CCDC178: variants seen among roughly 807,000 people sequenced by gnomAD.
The protein encoded by CCDC178 is coiled-coil domain containing 178, also known as coiled-coil domain-containing protein 178.
CCDC178 carries 126 observed loss-of-function variants against 117.4 expected under a neutral mutation model. That is an observed-to-expected ratio of 1.07 (90% CI 0.93 to 1.24). The LOEUF (loss-of-function observed/expected upper bound fraction) is 1.24, where lower values mean the gene tolerates loss of function less well. Among genes scored for constraint, CCDC178 ranks in the 50% most tolerant of loss-of-function variants. The pLI is 0.00. For missense variants in CCDC178, 1,030 were observed against 986.9 expected, an observed-to-expected ratio of 1.04 and a Z score of -0.59; for synonymous variants, 283 against 313.4, an observed-to-expected ratio of 0.90 and a Z score of 1.02.
intron 20 of CCDC178, among the ~76,000 whole-genome samples, chr18:33,149,856 AC>A (rs1163837967): frequency 1.3e-5 from 2 of 152,018 alleles, no homozygotes; most frequent in Admixed American, 6.5e-5. Flanking sequence ...AAAAATATAC[AC>A]CCATCATTCT....
chr18:32,992,311 A>C (rs895735528), intron 21 of CCDC178, among the ~76,000 whole-genome samples: 2 of 152,198 alleles, frequency 1.3e-5, no homozygotes, highest in Non-Finnish European at 2.9e-5. Flanking sequence ...AATGGGATAA[A>C]CTTTCTGAAT....
chr18:33,213,691 G>A (rs1027335368), intron 19 of CCDC178, among the ~76,000 whole-genome samples: 2 of 151,970 alleles, frequency 1.3e-5, no homozygotes, highest in African/African-American at 4.8e-5. Context: ...ATAAAATAAT[G>A]TTTCCTTTCT....
At position 33,079,699 on chromosome 18, in the gene CCDC178, G is replaced by A. The variant is rs1189510671; in HGVS notation, c.2388+13062C>T. ...AAAAGCCCAATATCACTGATCATCAGAGAAATGCAAATCAAAACTACAATG... is the reference window on the plus strand; with the variant it reads ...AAAAGCCCAATATCACTGATCATCAAAGAAATGCAAATCAAAACTACAATG... On this transcript the variant is annotated intron_variant, in intron 21 of 22. Coordinates refer to ENST00000383096, the MANE Select transcript of CCDC178 (RefSeq NM_001105528.4). Among the ~76,000 whole-genome samples, 6 of 152,274 alleles carry A rather than the reference G, an allele frequency of 3.9e-5. No individual in the cohort carries two copies. The South Asian group carries it at 1.2e-3, about 32-fold the overall frequency.
At chr18:32,956,967 G>C (rs1889925115) in intron 22 of CCDC178, among the ~76,000 whole-genome samples, 2 of 126,500 alleles carry the variant, frequency 1.6e-5, no homozygotes, top group Admixed American at 8.9e-5. Context: ...TCTAAAGGAA[G>C]GAAGGAAAGC....
chr18:33,049,720 G>A (rs1443268948), intron 21 of CCDC178, among the ~76,000 whole-genome samples: 1 of 152,106 alleles, frequency 6.6e-6, no homozygotes, highest in Non-Finnish European at 1.5e-5. Context: ...AACAGTAACA[G>A]AAAAATCAGA....
At chr18:33,418,087 A>C (rs1164303779) in intron 2 of CCDC178, among the ~76,000 whole-genome samples, 1 of 152,168 alleles carries the variant, frequency 6.6e-6, no homozygotes, top group Admixed American at 6.5e-5. Context: ...TAGATGCAAA[A>C]ATTCTCAACG....
At chr18:33,196,495 A>G (rs2058931368) in intron 20 of CCDC178, among the ~76,000 whole-genome samples, 1 of 152,120 alleles carries the variant, frequency 6.6e-6, no homozygotes, top group South Asian at 2.1e-4. Context: ...GAATTTCGTG[A>G]GCTTTCTAGC....
At chr18:33,021,965 A>G (rs118029012) in intron 21 of CCDC178, among the ~76,000 whole-genome samples, 1 of 152,134 alleles carries the variant, frequency 6.6e-6, no homozygotes, top group Non-Finnish European at 1.5e-5. Context: ...AAATGTTCTA[A>G]AAGCAATAGG....
chr18:33,366,814 A>C (rs2144746752), intron 6 of CCDC178, among the ~76,000 whole-genome samples: 1 of 152,126 alleles, frequency 6.6e-6, no homozygotes, highest in East Asian at 1.9e-4. Flanking sequence ...TTCTCCCAGC[A>C]CCAGATACGT....
chr18:33,072,640 T>C (rs185627366), intron 21 of CCDC178, among the ~76,000 whole-genome samples: 3 of 152,334 alleles, frequency 2.0e-5, no homozygotes, highest in East Asian at 3.9e-4. Flanking sequence ...GTATTGTGTG[T>C]CATCACCATA....
intron 3 of CCDC178, among the ~76,000 whole-genome samples, chr18:33,401,385 T>C (rs907755889): frequency 7.2e-5 from 11 of 151,874 alleles, no homozygotes; most frequent in Non-Finnish European, 1.3e-4. Context: ...AAACGAGAGG[T>C]GCCTATAGTC....
chr18:33,244,577 GA>G, intron 15 of CCDC178, among the ~76,000 whole-genome samples: 1 of 151,896 alleles, frequency 6.6e-6, no homozygotes, highest in East Asian at 1.9e-4. Context: ...ACCCTGTGAA[GA>G]GGTGCCTTCT....
At chr18:33,193,879 G>T (rs2058893178) in intron 20 of CCDC178, among the ~76,000 whole-genome samples, 1 of 152,120 alleles carries the variant, frequency 6.6e-6, no homozygotes. Context: ...TCATGGTTCT[G>T]GACACTGAGA....
At chr18:33,073,024 G>A (rs1408731094) in intron 21 of CCDC178, among the ~76,000 whole-genome samples, 1 of 151,902 alleles carries the variant, frequency 6.6e-6, no homozygotes, top group African/African-American at 2.4e-5. Context: ...TTTTACTTGT[G>A]GGTATCCAAC....
At chr18:33,382,982 G>A (rs2063454698) in intron 5 of CCDC178, among the ~76,000 whole-genome samples, 1 of 152,002 alleles carries the variant, frequency 6.6e-6, no homozygotes, top group South Asian at 2.1e-4. Context: ...TGAGTTCCCA[G>A]GAGGCAGGGG....
At chr18:33,003,331 T>G (rs560529533) in intron 21 of CCDC178, among the ~76,000 whole-genome samples, 3 of 152,282 alleles carry the variant, frequency 2.0e-5, no homozygotes, top group Admixed American at 6.5e-5. Flanking sequence ...AAAAGGATCA[T>G]TTATCATGAC....
At chr18:33,222,162 A>G (rs964231673) in intron 18 of CCDC178, among the ~76,000 whole-genome samples, 2 of 152,068 alleles carry the variant, frequency 1.3e-5, no homozygotes, top group African/African-American at 4.8e-5. Flanking sequence ...GCCGTTTAAC[A>G]AAAGTGTAAT....
intron 20 of CCDC178, among the ~76,000 whole-genome samples, chr18:33,134,012 T>C (rs1382784451): frequency 1.3e-5 from 2 of 151,914 alleles, no homozygotes; most frequent in Admixed American, 6.6e-5. Flanking sequence ...CTTAGATGCA[T>C]GTTAGACTTA....
chr18:33,223,084 G>C (rs1599020049), intron 18 of CCDC178, 22 bp downstream of exon 18: 1 of 1,521,808 alleles, frequency 6.6e-7, no homozygotes, highest in Non-Finnish European at 9.0e-7. Context: ...TTCAAAATTA[G>C]ATTCTGAACT....
Sources: allele counts gnomAD v4.1 joint callset (sites outside exome capture counted in the v4.1 genomes callset), GRCh38; gene constraint gnomAD v4.1.1; transcripts MANE v1.5; gene names NCBI Gene and HGNC (gene_info 2026-07-23, HGNC 2026-07-21).